The following FBN1 variants were observed in gnomAD, a reference collection of about 807,000 sequenced individuals.
FBN1 encodes fibrillin 1, also known as fibrillin-1.
FBN1 carries 29 observed loss-of-function variants against 365.1 expected under a neutral mutation model. That is an observed-to-expected ratio of 0.08 (90% CI 0.06 to 0.11). The LOEUF (loss-of-function observed/expected upper bound fraction) is 0.11, where lower values mean the gene tolerates loss of function less well. FBN1 is among the 10% of genes least tolerant of loss of function. The pLI, the probability that FBN1 is intolerant of heterozygous loss-of-function variation, is 1.00. For synonymous variants in FBN1, 1,210 were observed against 1,270.5 expected, an observed-to-expected ratio of 0.95 and a Z score of 1.01; for missense variants, 2,476 against 3,703.2, an observed-to-expected ratio of 0.67 and a Z score of 8.60.
intron 6 of FBN1, among the ~76,000 whole-genome samples, chr15:48,555,332 C>T (rs2044171397): frequency 6.6e-6 from 1 of 152,174 alleles, no homozygotes; most frequent in Non-Finnish European, 1.5e-5. Flanking sequence ...AGAGTCACCC[C>T]ACTCCACGTC....
chr15:48,456,078 T>C (rs1174065800), intron 44 of FBN1, among the ~76,000 whole-genome samples: 1 of 152,198 alleles, frequency 6.6e-6, no homozygotes, highest in East Asian at 1.9e-4. Context: ...CTATAAGGAA[T>C]GCTCCGAATC....
chr15:48,437,651 A>G, intron 51 of FBN1, 117 bp downstream of exon 51: 1 of 1,145,578 alleles, frequency 8.7e-7, no homozygotes. Context: ...GAACATTCTA[A>G]TTAGACTTAC....
At chr15:48,558,448 A>G (rs987412088) in intron 6 of FBN1, among the ~76,000 whole-genome samples, 6 of 152,214 alleles carry the variant, frequency 3.9e-5, no homozygotes, top group Non-Finnish European at 7.4e-5. Context: ...GGTGAAGGGA[A>G]GCATAAATTA....
Position 48,499,008 on chromosome 15 carries a change from G to C in FBN1, c.2144C>G (p.Pro715Arg). Residue 715 changes from proline to arginine, a missense_variant, in exon 18 of 66, where the codon CCA becomes CGA. Pro to Arg is a moderately radical substitution (Grantham distance 103). Transcript: ENST00000316623. ...ACCACTGCCTGCTGACGTCATTCCT[G>C]GCCCACTGCTGCAGAGTGCCTGATA... Reference protein sequence around the residue: ...AEYQALCSSGPGMTSAGSDIN... With the variant: ...AEYQALCSSGRGMTSAGSDIN... 6.2e-7 allele frequency: 1 copy of C among 1,614,166 alleles called. No individual in the cohort carries two copies. The highest frequency in any genetic ancestry group is 8.5e-7 in the Non-Finnish European group (1 of 1,179,990).
chr15:48,609,086 G>C (rs1278585266), intron 4 of FBN1, among the ~76,000 whole-genome samples: 1 of 152,218 alleles, frequency 6.6e-6, no homozygotes, highest in Non-Finnish European at 1.5e-5. Flanking sequence ...TTATGCTTCA[G>C]CGGCAGCCTG....
At chr15:48,426,813 C>G (rs2042982518) in intron 58 of FBN1, among the ~76,000 whole-genome samples, 1 of 152,080 alleles carries the variant, frequency 6.6e-6, no homozygotes, top group African/African-American at 2.4e-5. Flanking sequence ...CTCCATCTTA[C>G]CTTTCTAGGT....
At chr15:48,433,483 G>A (rs2043039586) in intron 54 of FBN1, among the ~76,000 whole-genome samples, 1 of 152,130 alleles carries the variant, frequency 6.6e-6, no homozygotes, top group South Asian at 2.1e-4. Context: ...TGAAATAACA[G>A]CAATTCTTCT....
At chr15:48,430,325 G>T (rs950341972) in intron 56 of FBN1, among the ~76,000 whole-genome samples, 31 of 152,190 alleles carry the variant, frequency 2.0e-4, no homozygotes, top group Non-Finnish European at 3.8e-4. Context: ...GCAAAGCTAA[G>T]TCAATAGGGA....
In FBN1 at chr15:48,409,902, T is replaced by C. The variant is rs908961653; in HGVS notation, c.*1088A>G. 1.4e-4 allele frequency: 22 copies of C among 152,238 alleles called. No homozygotes were observed. Among genetic ancestry groups the C allele is most frequent in the African/African-American group, 5.3e-4 (22 of 41,432 alleles). The allele number at this position is 152,238 out of a possible 1,614,324, so 9.4% of individuals were successfully genotyped here. A position where few individuals can be genotyped will look rare whatever the true frequency, so the allele number is the denominator to read the frequency against. On this transcript the variant is annotated 3_prime_UTR_variant, in exon 66 of 66. Coordinates refer to ENST00000316623, the MANE Select transcript of FBN1 (RefSeq NM_000138.5). The stretch of plus-strand genomic sequence containing the variant: ...ACCAGACTCTGCTACTTTCAATGGA[T>C]AAAACAAGGGATCGACTCATATGTT...
chr15:48,532,606 T>C (rs138746842), intron 8 of FBN1, among the ~76,000 whole-genome samples: 78 of 151,290 alleles, frequency 5.2e-4, no homozygotes, highest in African/African-American at 1.8e-3. Flanking sequence ...AGCACCAGAG[T>C]GTGAGTTAAA....
At chr15:48,540,387 T>G (rs1052694995) in intron 6 of FBN1, among the ~76,000 whole-genome samples, 4 of 152,182 alleles carry the variant, frequency 2.6e-5, no homozygotes, top group Non-Finnish European at 5.9e-5. Flanking sequence ...AGGATTATAC[T>G]AAAAATATAC....
At chr15:48,511,645 T>A (rs2043760010) in intron 13 of FBN1, among the ~76,000 whole-genome samples, 1 of 152,244 alleles carries the variant, frequency 6.6e-6, no homozygotes, top group Non-Finnish European at 1.5e-5. Flanking sequence ...TTCCCAGTTA[T>A]GTGCACAGCC....
chr15:48,439,162 T>C (rs1009658698), intron 50 of FBN1, among the ~76,000 whole-genome samples: 6 of 152,224 alleles, frequency 3.9e-5, no homozygotes, highest in African/African-American at 1.4e-4. Flanking sequence ...TTTTCATGAA[T>C]TAAAGTTTCT....
chr15:48,537,987 T>G (rs549439168), intron 6 of FBN1, among the ~76,000 whole-genome samples, 179 bp from the exon 7 acceptor site: 1 of 152,174 alleles, frequency 6.6e-6, no homozygotes. Flanking sequence ...TGAACCCGAT[T>G]TCCTAACCTA....
intron 38 of FBN1, 93 bp downstream of exon 38, chr15:48,467,845 T>G: frequency 8.6e-7 from 1 of 1,169,464 alleles, no homozygotes. Flanking sequence ...ATCTTTCTTC[T>G]CTGATCTAAG....
At chr15:48,632,120 T>A (rs1889999503) in intron 2 of FBN1, among the ~76,000 whole-genome samples, 1 of 152,128 alleles carries the variant, frequency 6.6e-6, no homozygotes. Flanking sequence ...AATTTAAAAA[T>A]AAAAACTTAT....
intron 60 of FBN1, among the ~76,000 whole-genome samples, chr15:48,422,411 A>G (rs910470004): frequency 1.3e-5 from 2 of 152,268 alleles, no homozygotes; most frequent in African/African-American, 4.8e-5. Flanking sequence ...AAGATGAATG[A>G]TTCTGCAAAT....
intron 18 of FBN1, among the ~76,000 whole-genome samples, 198 bp downstream of exon 18, chr15:48,498,787 C>T (rs1375961441): frequency 6.6e-6 from 1 of 152,140 alleles, no homozygotes; most frequent in African/African-American, 2.4e-5. Flanking sequence ...CACAGCCACA[C>T]CCAGAAATCC....
intron 10 of FBN1, among the ~76,000 whole-genome samples, chr15:48,517,547 T>A (rs1176313328): frequency 1.3e-5 from 2 of 152,240 alleles, no homozygotes; most frequent in Admixed American, 6.5e-5. Context: ...TTTCACAGTG[T>A]CAGGTCTTTA....
Sources: gnomAD v4.1 joint callset for allele counts (sites outside exome capture counted in the v4.1 genomes callset) on GRCh38, gnomAD v4.1.1 for gene constraint, MANE v1.5 for transcripts, NCBI Gene and HGNC (gene_info 2026-07-23, HGNC 2026-07-21) for gene names.